GRM5: variants seen among roughly 807,000 people sequenced by gnomAD.
GRM5 encodes the protein glutamate metabotropic receptor 5.
Under a neutral mutation model 83.1 loss-of-function variants are expected in GRM5, and 19 were observed. That is an observed-to-expected ratio of 0.23 (90% CI 0.16 to 0.34). The LOEUF is 0.34. Among genes scored for constraint, GRM5 ranks in the 10% least tolerant of loss-of-function variants. The pLI, the probability that GRM5 is intolerant of heterozygous loss-of-function variation, is 1.00. For missense variants in GRM5, 1,160 were observed against 1,588.3 expected, an observed-to-expected ratio of 0.73 and a Z score of 4.58; for synonymous variants, 675 against 633.6, an observed-to-expected ratio of 1.07 and a Z score of -0.98.
chr11:88,700,110 G>T (rs1940994236), intron 3 of GRM5, among the ~76,000 whole-genome samples: 1 of 152,122 alleles, frequency 6.6e-6, no homozygotes, highest in Non-Finnish European at 1.5e-5. Context: ...GAGTTGAATG[G>T]CTTGGCTGAT....
intron 3 of GRM5, among the ~76,000 whole-genome samples, chr11:88,687,424 C>A (rs1441807563): frequency 7.1e-6 from 1 of 141,482 alleles, no homozygotes; most frequent in Non-Finnish European, 1.5e-5. Flanking sequence ...TTGCAGTGAG[C>A]CGAGATCGCT....
At position 88,767,673 on chromosome 11, in the gene GRM5, TGAGGGTG is replaced by T. The variant is rs139564602; in HGVS notation, c.911+82226_911+82232del. On this transcript the variant is annotated intron_variant, in intron 3 of 9. Coordinates refer to ENST00000305447, the MANE Select transcript of GRM5 (RefSeq NM_001143831.3). Reference sequence around the variant, plus strand: ...CGAACAACGGACATTGGGACCTACTTGAGGGTGGATGGTAGGAGGAGGGAGAGGATCA... The same window carrying T: ...CGAACAACGGACATTGGGACCTACTTGATGGTAGGAGGAGGGAGAGGATCA... 3.4e-3 allele frequency among the ~76,000 whole-genome samples: 519 copies of T among 151,940 alleles called. 1 individual carries two copies. Among genetic ancestry groups the T allele is most frequent in the African/African-American group, 0.012 (500 of 41,492 alleles).
chr11:88,781,129 A>ATATATATATATATATATG (rs1942967083), intron 3 of GRM5, among the ~76,000 whole-genome samples: 35 of 184 alleles, frequency 0.19, no homozygotes, highest in South Asian at 0.5. Flanking sequence ...ATATATATGT[A>ATATATATATATATATATG]TATATATATA....
intron 2 of GRM5, among the ~76,000 whole-genome samples, chr11:88,946,009 A>G (rs1938272341): frequency 6.6e-6 from 1 of 152,132 alleles, no homozygotes; most frequent in Non-Finnish European, 1.5e-5. Flanking sequence ...TCTAGTATCC[A>G]GAAGCTATAA....
At chr11:88,806,169 A>G (rs1943496665) in intron 3 of GRM5, among the ~76,000 whole-genome samples, 1 of 152,184 alleles carries the variant, frequency 6.6e-6, no homozygotes, top group East Asian at 1.9e-4. Flanking sequence ...AAAATCATCT[A>G]TGGACCTCTA....
chr11:88,916,174 A>G (rs1590961623), intron 2 of GRM5, among the ~76,000 whole-genome samples: 1 of 152,188 alleles, frequency 6.6e-6, no homozygotes, highest in African/African-American at 2.4e-5. Flanking sequence ...AACTGTCTAC[A>G]TAAGAAAGCA....
At chr11:89,039,155 C>A (rs1337636372) in intron 2 of GRM5, among the ~76,000 whole-genome samples, 1 of 151,864 alleles carries the variant, frequency 6.6e-6, no homozygotes, top group Non-Finnish European at 1.5e-5. Flanking sequence ...ATCCCAGCTA[C>A]TCGGGAGACT....
At chr11:89,041,270 T>C (rs925958707) in intron 2 of GRM5, among the ~76,000 whole-genome samples, 8 of 152,222 alleles carry the variant, frequency 5.3e-5, no homozygotes, top group African/African-American at 1.9e-4. Context: ...CCAGAGATAT[T>C]TCTGCATTAT....
chr11:88,624,493 C>T (rs1358390603), intron 4 of GRM5, among the ~76,000 whole-genome samples: 1 of 152,082 alleles, frequency 6.6e-6, no homozygotes, highest in African/African-American at 2.4e-5. Context: ...GAGGAAGGAA[C>T]AATGACAAGA....
intron 2 of GRM5, among the ~76,000 whole-genome samples, chr11:88,939,721 G>A (rs1389487383): frequency 6.6e-6 from 1 of 151,690 alleles, no homozygotes; most frequent in Non-Finnish European, 1.5e-5. Flanking sequence ...AACAATATGA[G>A]CACACCTGAC....
At chr11:88,578,069 T>A (rs1254693416) in intron 7 of GRM5, among the ~76,000 whole-genome samples, 1 of 152,106 alleles carries the variant, frequency 6.6e-6, no homozygotes, top group African/African-American at 2.4e-5. Flanking sequence ...TTATCCTTTA[T>A]TATTCTGGGG....
intron 3 of GRM5, among the ~76,000 whole-genome samples, chr11:88,658,075 A>G (rs894676774): frequency 6.6e-6 from 1 of 152,198 alleles, no homozygotes. Flanking sequence ...GCCCTGGGTG[A>G]GTGAGCATTA....
chr11:89,042,189 T>G (rs977683439), intron 2 of GRM5, among the ~76,000 whole-genome samples: 1 of 152,158 alleles, frequency 6.6e-6, no homozygotes, highest in Non-Finnish European at 1.5e-5. Context: ...ATTATTTCAT[T>G]TGTGGTCCCT....
chr11:88,824,121 C>T (rs1456099643), intron 3 of GRM5, among the ~76,000 whole-genome samples: 5 of 151,932 alleles, frequency 3.3e-5, no homozygotes, highest in Non-Finnish European at 7.4e-5. Flanking sequence ...TCTTGCATTC[C>T]TTCGGTCTTT....
Position 89,014,914 on chromosome 11 carries a change from T to A in GRM5, c.661+32298A>T, listed in dbSNP as rs368357953. Among the ~76,000 whole-genome samples, 73 of 152,356 alleles carry A rather than the reference T, an allele frequency of 4.8e-4. 3 individuals are homozygous for A. In the South Asian group the frequency reaches 0.015, roughly 32 times the overall value. ...TGGCACCGCCTACTTCTTGTGGGCA[T>A]AGTGCCCACTGTACGTGTTCAAGTG... On this transcript the variant is annotated intron_variant, in intron 2 of 9. Coordinates refer to ENST00000305447, the MANE Select transcript of GRM5 (RefSeq NM_001143831.3).
At chr11:88,983,721 G>GA (rs924547831) in intron 2 of GRM5, among the ~76,000 whole-genome samples, 3 of 151,754 alleles carry the variant, frequency 2.0e-5, no homozygotes, top group Admixed American at 6.6e-5. Context: ...TTCTGCTTGT[G>GA]AAAAAAGTTA....
At chr11:88,879,105 C>G (rs1944907401) in intron 2 of GRM5, among the ~76,000 whole-genome samples, 1 of 151,748 alleles carries the variant, frequency 6.6e-6, no homozygotes, top group South Asian at 2.1e-4. Context: ...ATAAGAAATA[C>G]TATGGAAATT....
intron 3 of GRM5, among the ~76,000 whole-genome samples, chr11:88,706,165 T>G (rs1358451380): frequency 6.6e-6 from 1 of 152,036 alleles, no homozygotes; most frequent in Non-Finnish European, 1.5e-5. Flanking sequence ...CCCATCAAAG[T>G]TCACTTGTTT....
At chr11:88,989,114 C>T (rs1386869658) in intron 2 of GRM5, among the ~76,000 whole-genome samples, 1 of 149,062 alleles carries the variant, frequency 6.7e-6, no homozygotes, top group East Asian at 2.0e-4. Context: ...TTCAGGAAAC[C>T]CATCTCACGT....
Sources: gnomAD v4.1 joint callset for allele counts (sites outside exome capture counted in the v4.1 genomes callset) on GRCh38, gnomAD v4.1.1 for gene constraint, MANE v1.5 for transcripts, NCBI Gene and HGNC (gene_info 2026-07-23, HGNC 2026-07-21) for gene names.